Variants in DLGAP1 observed in about 807,000 individuals in gnomAD.
DLGAP1 encodes the protein disks large-associated protein 1.
In DLGAP1, 11 loss-of-function variants were observed where a neutral mutation model predicts 90.8. That is an observed-to-expected ratio of 0.12 (90% CI 0.08 to 0.20). DLGAP1 has a LOEUF of 0.20. DLGAP1 is among the 10% of genes least tolerant of loss of function. DLGAP1 has a pLI of 1.00. For missense variants in DLGAP1, 1,050 were observed against 1,333.8 expected (o/e 0.79, Z 3.31); for synonymous variants, 558 against 540.7 (o/e 1.03, Z -0.44).
chr18:3,940,160 G>A (rs1027409689), intron 3 of DLGAP1, among the ~76,000 whole-genome samples: 4 of 152,168 alleles, frequency 2.6e-5, no homozygotes, highest in Non-Finnish European at 4.4e-5. Flanking sequence ...CTGTAAAGAC[G>A]TCTACATGGT....
At chr18:3,949,459 T>G (rs2072941479) in intron 3 of DLGAP1, among the ~76,000 whole-genome samples, 1 of 152,204 alleles carries the variant, frequency 6.6e-6, no homozygotes, top group Non-Finnish European at 1.5e-5. Context: ...ACCACAGGTC[T>G]AGGTTGTGTA....
At chr18:3,728,327 T>C (rs1052913465) in intron 7 of DLGAP1, among the ~76,000 whole-genome samples, 2 of 82,446 alleles carry the variant, frequency 2.4e-5, no homozygotes, top group Non-Finnish European at 4.0e-5. Flanking sequence ...TATATATATA[T>C]ACATGTTTCA....
chr18:3,975,796 T>C (rs1255878527), intron 3 of DLGAP1, among the ~76,000 whole-genome samples: 1 of 152,178 alleles, frequency 6.6e-6, no homozygotes, highest in Non-Finnish European at 1.5e-5. Flanking sequence ...TCAAAGACAT[T>C]GTGCAAAGTG....
chr18:4,435,857 G>A (rs1193776583), intron 1 of DLGAP1, among the ~76,000 whole-genome samples: 1 of 152,186 alleles, frequency 6.6e-6, no homozygotes, highest in Non-Finnish European at 1.5e-5. Flanking sequence ...ATAGGAGCTG[G>A]ATGGGACCAG....
intron 2 of DLGAP1, among the ~76,000 whole-genome samples, chr18:4,136,987 T>C (rs951105088): frequency 6.6e-6 from 1 of 152,170 alleles, no homozygotes; most frequent in African/African-American, 2.4e-5. Context: ...GCCATGTTGG[T>C]GTGCTGCACC....
At chr18:3,757,323 C>T (rs561932657) in intron 5 of DLGAP1, among the ~76,000 whole-genome samples, 8 of 152,256 alleles carry the variant, frequency 5.3e-5, no homozygotes, top group East Asian at 1.9e-4. Flanking sequence ...TCAGGAGAAT[C>T]GCTTGAAACC....
chr18:3,840,598 C>T (rs1019068757), intron 4 of DLGAP1, among the ~76,000 whole-genome samples: 2 of 152,200 alleles, frequency 1.3e-5, no homozygotes, highest in Non-Finnish European at 2.9e-5. Flanking sequence ...GTCATCTTTT[C>T]CACATAAGGT....
chr18:4,105,918 G>C, intron 2 of DLGAP1, among the ~76,000 whole-genome samples: 1 of 151,446 alleles, frequency 6.6e-6, no homozygotes, highest in Non-Finnish European at 1.5e-5. Flanking sequence ...TGTAGTCCCA[G>C]CTACTCGGGA....
At chr18:4,265,624 C>CCCTTCCTTCCTT (rs1439047665) in intron 1 of DLGAP1, among the ~76,000 whole-genome samples, 11 of 59,922 alleles carry the variant, frequency 1.8e-4, no homozygotes, top group East Asian at 1.7e-3. Context: ...TCCCTCCCTC[C>CCCTTCCTTCCTT]CCTTCCCTCC....
At chr18:3,874,577 T>G in intron 4 of DLGAP1, 1 of 1,507,184 alleles carries the variant, frequency 6.6e-7, no homozygotes, top group Non-Finnish European at 8.8e-7. Flanking sequence ...TCTCTGAACC[T>G]CTTCCTATTT....
At chr18:4,083,446 A>G (rs1287284822) in intron 2 of DLGAP1, among the ~76,000 whole-genome samples, 1 of 152,198 alleles carries the variant, frequency 6.6e-6, no homozygotes, top group Non-Finnish European at 1.5e-5. Context: ...AAGTAGAGAA[A>G]ACATTTTGGT....
At position 4,114,144 on chromosome 18, in the gene DLGAP1, T is replaced by A. The variant is rs1298234331; in HGVS notation, c.-159+37036A>T. 7.8e-4 allele frequency among the ~76,000 whole-genome samples: 119 copies of A among 151,692 alleles called. 1 individual carries two copies. The highest frequency in any genetic ancestry group is 7.8e-3 in the Admixed American group (118 of 15,204). On this transcript the variant is annotated intron_variant, in intron 2 of 12. Coordinates refer to ENST00000315677, the MANE Select transcript of DLGAP1 (RefSeq NM_004746.4). ...ATATGAATTTTAGAATGGTTTTTTG[T>A]CTAATTCTGTGAAAATGATATTAGT...
chr18:3,755,223 G>C (rs754751043), intron 5 of DLGAP1, among the ~76,000 whole-genome samples: 2 of 151,936 alleles, frequency 1.3e-5, no homozygotes, highest in African/African-American at 2.4e-5. Context: ...TGGAGGAACA[G>C]AGGCAACAAA....
intron 1 of DLGAP1, among the ~76,000 whole-genome samples, chr18:4,387,710 A>G (rs1340303648): frequency 6.6e-6 from 1 of 152,172 alleles, no homozygotes; most frequent in Non-Finnish European, 1.5e-5. Context: ...AGGCGGGCAG[A>G]TCATGAGGTC....
At chr18:4,103,608 G>A (rs571160297) in intron 2 of DLGAP1, among the ~76,000 whole-genome samples, 1 of 152,216 alleles carries the variant, frequency 6.6e-6, no homozygotes, top group South Asian at 2.1e-4. Flanking sequence ...ATTAACTGTA[G>A]TGACTAGGAA....
intron 7 of DLGAP1, among the ~76,000 whole-genome samples, chr18:3,620,034 C>T (rs1463277612): frequency 6.6e-6 from 1 of 151,900 alleles, no homozygotes; most frequent in Non-Finnish European, 1.5e-5. Context: ...CCTAAAGACA[C>T]CCATCTTTTA....
At chr18:4,275,670 C>G (rs1275888441) in intron 1 of DLGAP1, among the ~76,000 whole-genome samples, 1 of 151,308 alleles carries the variant, frequency 6.6e-6, no homozygotes, top group African/African-American at 2.4e-5. Context: ...GCAAGAAATA[C>G]TTATTGGGCA....
intron 1 of DLGAP1, among the ~76,000 whole-genome samples, chr18:4,356,809 C>G (rs1289864029): frequency 2.0e-5 from 3 of 152,272 alleles, no homozygotes; most frequent in South Asian, 2.1e-4. Context: ...TTGTTTGTTA[C>G]TTTTCCGACC....
At chr18:4,450,730 G>C (rs1469975363) in intron 1 of DLGAP1, among the ~76,000 whole-genome samples, 1 of 152,226 alleles carries the variant, frequency 6.6e-6, no homozygotes, top group African/African-American at 2.4e-5. Context: ...AAAACATTGA[G>C]AGAAGACAGA....
Sources: gnomAD v4.1 joint callset for allele counts (sites outside exome capture counted in the v4.1 genomes callset) on GRCh38, gnomAD v4.1.1 for gene constraint, MANE v1.5 for transcripts, NCBI Gene and HGNC (gene_info 2026-07-23, HGNC 2026-07-21) for gene names.